The following CCBE1 variants were observed in gnomAD, a reference collection of about 807,000 sequenced individuals.
CCBE1 encodes the protein collagen and calcium-binding EGF domain-containing protein 1.
CCBE1 carries 37 observed loss-of-function variants against 50.0 expected under a neutral mutation model. The ratio of observed to expected loss-of-function variants is 0.74; its 90% confidence interval spans 0.57 to 0.97. The LOEUF (loss-of-function observed/expected upper bound fraction) is 0.97, where lower values mean the gene tolerates loss of function less well. Among genes scored for constraint, CCBE1 ranks in the 50% least tolerant of loss-of-function variants. CCBE1 has a pLI of 0.00. For missense variants in CCBE1, 538 were observed against 523.8 expected (o/e 1.03, Z -0.26); for synonymous variants, 234 against 203.7 (o/e 1.15, Z -1.27).
intron 2 of CCBE1, among the ~76,000 whole-genome samples, chr18:59,575,421 C>T (rs143027111): frequency 6.6e-6 from 1 of 152,036 alleles, no homozygotes; most frequent in Non-Finnish European, 1.5e-5. Context: ...AAGCTGCCAG[C>T]CAGCATTTGG....
At chr18:59,464,433 CT>C (rs1911645973) in intron 5 of CCBE1, among the ~76,000 whole-genome samples, 2 of 152,160 alleles carry the variant, frequency 1.3e-5, no homozygotes, top group African/African-American at 4.8e-5. Flanking sequence ...AAGACTCTGT[CT>C]CAAAAACAAA....
chr18:59,510,668 T>A (rs1166668959), intron 2 of CCBE1, among the ~76,000 whole-genome samples: 1 of 152,158 alleles, frequency 6.6e-6, no homozygotes, highest in Non-Finnish European at 1.5e-5. Context: ...GTGATCCACC[T>A]GCCTCGGCCT....
intron 2 of CCBE1, among the ~76,000 whole-genome samples, chr18:59,506,935 GTCT>G (rs1480239289): frequency 6.6e-6 from 1 of 152,124 alleles, no homozygotes. Context: ...CCTGTACTGG[GTCT>G]TCTTTTCCTC....
intron 2 of CCBE1, among the ~76,000 whole-genome samples, chr18:59,622,806 AAAAAAGAAAG>A (rs2053730474): frequency 7.0e-6 from 1 of 143,626 alleles, no homozygotes; most frequent in Non-Finnish European, 1.5e-5. Flanking sequence ...CATCTCAAAA[AAAAAAGAAAG>A]AAAAAGAAAA....
At chr18:59,657,065 T>G (rs2054200882) in intron 2 of CCBE1, among the ~76,000 whole-genome samples, 1 of 152,254 alleles carries the variant, frequency 6.6e-6, no homozygotes. Flanking sequence ...CCTAAGATTC[T>G]GCCTTGAGCC....
intron 2 of CCBE1, among the ~76,000 whole-genome samples, chr18:59,559,193 C>T (rs374281999): frequency 1.2e-4 from 18 of 152,176 alleles, no homozygotes; most frequent in South Asian, 2.1e-4. Flanking sequence ...GTGGAGATGG[C>T]GCTGAAGCAT....
At chr18:59,506,193 G>A (rs1485707062) in intron 2 of CCBE1, among the ~76,000 whole-genome samples, 1 of 152,198 alleles carries the variant, frequency 6.6e-6, no homozygotes, top group African/African-American at 2.4e-5. Context: ...GGAGAAGGTG[G>A]TCACGTAAAG....
At chr18:59,501,148 C>G (rs1913600658) in intron 2 of CCBE1, among the ~76,000 whole-genome samples, 1 of 152,078 alleles carries the variant, frequency 6.6e-6, no homozygotes, top group South Asian at 2.1e-4. Context: ...AGAAGAAATG[C>G]AGACATGGAT....
intron 2 of CCBE1, among the ~76,000 whole-genome samples, chr18:59,657,652 G>A (rs2054208875): frequency 6.6e-6 from 1 of 152,232 alleles, no homozygotes; most frequent in African/African-American, 2.4e-5. Flanking sequence ...AGCACTTTGG[G>A]ATCTGAGGCG....
chr18:59,567,551 C>T (rs746436032), intron 2 of CCBE1, among the ~76,000 whole-genome samples: 32 of 152,190 alleles, frequency 2.1e-4, no homozygotes, highest in Non-Finnish European at 4.0e-4. Context: ...CATGCTTTTT[C>T]CTTGACTCCA....
intron 2 of CCBE1, among the ~76,000 whole-genome samples, chr18:59,494,362 T>A (rs1913249058): frequency 6.6e-6 from 1 of 152,164 alleles, no homozygotes; most frequent in African/African-American, 2.4e-5. Context: ...GTTCAGATGA[T>A]CCTTAGACAA....
chr18:59,656,004 ACT>A (rs1224987954), intron 2 of CCBE1, among the ~76,000 whole-genome samples: 1 of 152,062 alleles, frequency 6.6e-6, no homozygotes, highest in Non-Finnish European at 1.5e-5. Flanking sequence ...CTAAATGTTG[ACT>A]CTCTGTGAAT....
intron 2 of CCBE1, among the ~76,000 whole-genome samples, chr18:59,677,833 C>A (rs959459470): frequency 6.6e-6 from 1 of 151,944 alleles, no homozygotes; most frequent in African/African-American, 2.4e-5. Context: ...TTGAGAGAAA[C>A]TTCATACAAA....
intron 2 of CCBE1, among the ~76,000 whole-genome samples, chr18:59,671,399 A>G (rs1201092253): frequency 6.6e-6 from 1 of 151,912 alleles, no homozygotes; most frequent in Non-Finnish European, 1.5e-5. Context: ...CTGGGAGGCT[A>G]AAGTGGGAAG....
intron 2 of CCBE1, among the ~76,000 whole-genome samples, chr18:59,538,222 T>C (rs1054191266): frequency 6.6e-6 from 1 of 152,232 alleles, no homozygotes; most frequent in African/African-American, 2.4e-5. Flanking sequence ...AAAAACTCCA[T>C]AGTAAATTCC....
chr18:59,432,021 T>C lies in CCBE1; in HGVS notation c.*3887A>G, dbSNP rs1909962365. 1 of 152,330 alleles carries C rather than the reference T, an allele frequency of 6.6e-6. No individual in the cohort carries two copies. The highest frequency in any genetic ancestry group is 2.4e-5 in the African/African-American group (1 of 41,458). The allele number at this position is 152,330 out of a possible 1,614,324, so 9.4% of individuals were successfully genotyped here. A position where few individuals can be genotyped will look rare whatever the true frequency, so the allele number is the denominator to read the frequency against. On this transcript the variant is annotated 3_prime_UTR_variant, in exon 11 of 11. Coordinates refer to ENST00000439986, the MANE Select transcript of CCBE1 (RefSeq NM_133459.4). Reference sequence around the variant, plus strand: ...CAGGCTGGAGTGCAGTGGCGCAATCTTGGCTCACTGCAACCTCCACCTCCC... The same window carrying C: ...CAGGCTGGAGTGCAGTGGCGCAATCCTGGCTCACTGCAACCTCCACCTCCC...
chr18:59,522,957 A>C (rs999230811), intron 2 of CCBE1, among the ~76,000 whole-genome samples: 5 of 142,046 alleles, frequency 3.5e-5, no homozygotes, highest in Non-Finnish European at 6.0e-5. Context: ...GCGCCACTGC[A>C]CTCCAGCCTG....
chr18:59,456,162 AGGCCTCCCT>A (rs549615312), intron 5 of CCBE1, among the ~76,000 whole-genome samples: 231 of 152,286 alleles, frequency 1.5e-3, no homozygotes, highest in Admixed American at 3.0e-3. Context: ...CTGGTCTTCT[AGGCCTCCCT>A]GGAGAGCATC....
intron 2 of CCBE1, among the ~76,000 whole-genome samples, chr18:59,494,784 G>A (rs748322890): frequency 6.6e-6 from 1 of 152,186 alleles, no homozygotes; most frequent in East Asian, 1.9e-4. Flanking sequence ...GCTATAGGCA[G>A]CTCCAGGGCA....
Sources: allele counts gnomAD v4.1 joint callset (sites outside exome capture counted in the v4.1 genomes callset), GRCh38; gene constraint gnomAD v4.1.1; transcripts MANE v1.5; gene names NCBI Gene and HGNC (gene_info 2026-07-23, HGNC 2026-07-21).